COL25A1: variants seen among roughly 807,000 people sequenced by gnomAD.
COL25A1 encodes the protein collagen alpha-1(XXV) chain.
Under a neutral mutation model 128.4 loss-of-function variants are expected in COL25A1, and 103 were observed. That is an observed-to-expected ratio of 0.80 (90% CI 0.68 to 0.94). The LOEUF is 0.94. COL25A1 is among the 40% of genes least tolerant of loss of function. The probability of loss-of-function intolerance (pLI) is 0.00; values close to 1 mark genes in which losing one functional copy is unlikely to be tolerated. For synonymous variants in COL25A1, 279 were observed against 277.2 expected, an observed-to-expected ratio of 1.01 and a Z score of -0.06; for missense variants, 745 against 840.0, an observed-to-expected ratio of 0.89 and a Z score of 1.40.
At chr4:109,062,413 G>A (rs774269059) in intron 3 of COL25A1, among the ~76,000 whole-genome samples, 69 of 152,058 alleles carry the variant, frequency 4.5e-4, no homozygotes, top group Non-Finnish European at 4.6e-4. Context: ...TAACAACAGA[G>A]GGAAAACCTT....
intron 3 of COL25A1, among the ~76,000 whole-genome samples, chr4:109,169,955 T>C (rs1773437720): frequency 6.6e-6 from 1 of 152,126 alleles, no homozygotes; most frequent in Non-Finnish European, 1.5e-5. Context: ...TATTCATTTA[T>C]GTGAAAATGT....
At chr4:109,223,261 T>C (rs1005749643) in intron 3 of COL25A1, among the ~76,000 whole-genome samples, 3 of 152,206 alleles carry the variant, frequency 2.0e-5, no homozygotes, top group Non-Finnish European at 4.4e-5. Context: ...CAATGTGGAC[T>C]TACCCAAAAA....
chr4:109,023,288 A>T (rs942537968), intron 5 of COL25A1, among the ~76,000 whole-genome samples: 1 of 152,226 alleles, frequency 6.6e-6, no homozygotes, highest in Non-Finnish European at 1.5e-5. Context: ...AGGCTGTTGG[A>T]GTGACTAAAT....
At chr4:108,891,549 T>C (rs940497733) in intron 16 of COL25A1, among the ~76,000 whole-genome samples, 3 of 152,138 alleles carry the variant, frequency 2.0e-5, no homozygotes, top group African/African-American at 7.2e-5. Flanking sequence ...TAAAAGCAAT[T>C]TTGACTCTAC....
At chr4:109,101,487 A>C (rs957539279) in intron 3 of COL25A1, among the ~76,000 whole-genome samples, 2 of 152,208 alleles carry the variant, frequency 1.3e-5, no homozygotes, top group Non-Finnish European at 2.9e-5. Context: ...AATTTGGGAG[A>C]GCGGGGGATA....
chr4:108,932,380 T>G (rs1276907680), intron 11 of COL25A1, among the ~76,000 whole-genome samples: 1 of 152,170 alleles, frequency 6.6e-6, no homozygotes, highest in Non-Finnish European at 1.5e-5. Flanking sequence ...AAAATTAAAA[T>G]AAACTAAAAG....
chr4:109,044,814 A>C (rs771158318), intron 5 of COL25A1, among the ~76,000 whole-genome samples: 3 of 152,198 alleles, frequency 2.0e-5, no homozygotes, highest in Non-Finnish European at 2.9e-5. Context: ...TAGTTGAATA[A>C]TGTTTTAAAA....
chr4:108,898,998 T>G (rs1436509323), intron 15 of COL25A1, among the ~76,000 whole-genome samples, 156 bp downstream of exon 15: 1 of 149,002 alleles, frequency 6.7e-6, no homozygotes, highest in Non-Finnish European at 1.5e-5. Context: ...TATCTATATA[T>G]CTATATATCT....
chr4:109,049,199 T>C (rs1760753383), intron 4 of COL25A1, among the ~76,000 whole-genome samples: 1 of 152,198 alleles, frequency 6.6e-6, no homozygotes, highest in Admixed American at 6.5e-5. Context: ...TACTTAGTAG[T>C]TGATTATTTT....
At chr4:109,001,396 A>AGGCATCTGAGATCCTGTCAGGTG (rs1755374855) in intron 6 of COL25A1, among the ~76,000 whole-genome samples, 1 of 152,286 alleles carries the variant, frequency 6.6e-6, no homozygotes, top group Non-Finnish European at 1.5e-5. Flanking sequence ...CCTGTCAGGT[A>AGGCATCTGAGATCCTGTCAGGTG]GGCATCTGAG....
chr4:109,048,531 T>C (rs1275010897), intron 4 of COL25A1, among the ~76,000 whole-genome samples: 2 of 152,162 alleles, frequency 1.3e-5, no homozygotes, highest in Admixed American at 1.3e-4. Context: ...AGACCAGTTA[T>C]AGAGAATTGA....
chr4:109,256,085 G>GGTGT (rs60794002), intron 3 of COL25A1, among the ~76,000 whole-genome samples: 17,805 of 143,192 alleles, frequency 0.12, 1,191 homozygotes, highest in Admixed American at 0.17. Context: ...TTTAAGCATT[G>GGTGT]GTGTGTGTGT....
intron 27 of COL25A1, 26 bp from the exon 28 acceptor site, chr4:108,846,245 T>G (rs538840987): frequency 6.9e-7 from 1 of 1,455,472 alleles, no homozygotes; most frequent in South Asian, 1.1e-5. Context: ...AAGGTTGGCA[T>G]GTAAGCAGCA....
intron 3 of COL25A1, among the ~76,000 whole-genome samples, chr4:109,283,345 C>T (rs1252742585): frequency 6.6e-6 from 1 of 152,154 alleles, no homozygotes; most frequent in African/African-American, 2.4e-5. Flanking sequence ...CTTCTGGGCT[C>T]AAGCAATCCT....
intron 3 of COL25A1, among the ~76,000 whole-genome samples, chr4:109,093,472 A>AAAACAAAAAC (rs1553931037): frequency 6.9e-6 from 1 of 145,468 alleles, no homozygotes; most frequent in Non-Finnish European, 1.5e-5. Flanking sequence ...AAAAAAAAAA[A>AAAACAAAAAC]AAAACCTTTT....
At chr4:108,907,248 C>T (rs956449962) in intron 13 of COL25A1, among the ~76,000 whole-genome samples, 1 of 152,122 alleles carries the variant, frequency 6.6e-6, no homozygotes, top group Non-Finnish European at 1.5e-5. Flanking sequence ...CCAAGAAAAA[C>T]CCTCCAGGAC....
intron 8 of COL25A1, among the ~76,000 whole-genome samples, chr4:108,966,926 A>AGAAAAAGAAAAGAGAG (rs56937338): frequency 6.6e-6 from 1 of 150,668 alleles, no homozygotes; most frequent in Non-Finnish European, 1.5e-5. Context: ...AAGAGAGAAA[A>AGAAAAAGAAAAGAGAG]AGAGAGAAAG....
At chr4:109,245,313 G>A (rs953734688) in intron 3 of COL25A1, among the ~76,000 whole-genome samples, 5 of 152,112 alleles carry the variant, frequency 3.3e-5, no homozygotes, top group Non-Finnish European at 7.4e-5. Context: ...CTCTGGGTTG[G>A]GACTGGTATA....
chr4:108,819,786 G>T, intron 35 of COL25A1: 1 of 1,165,816 alleles, frequency 8.6e-7, no homozygotes, highest in Non-Finnish European at 1.1e-6. Flanking sequence ...CAAACATCTG[G>T]AGACAGTTCC....
Sources: gnomAD v4.1 joint callset for allele counts (sites outside exome capture counted in the v4.1 genomes callset) on GRCh38, gnomAD v4.1.1 for gene constraint, MANE v1.5 for transcripts, NCBI Gene and HGNC (gene_info 2026-07-23, HGNC 2026-07-21) for gene names.